FBXO22: variants seen among roughly 807,000 people sequenced by gnomAD.
FBXO22 encodes F-box only protein 22.
Under a neutral mutation model 37.2 loss-of-function variants are expected in FBXO22, and 13 were observed. That is an observed-to-expected ratio of 0.35 (90% CI 0.23 to 0.56). The LOEUF is 0.56. FBXO22 is among the 20% of genes least tolerant of loss of function. The probability of loss-of-function intolerance (pLI) is 0.87; values close to 1 mark genes in which losing one functional copy is unlikely to be tolerated. For synonymous variants in FBXO22, 189 were observed against 189.1 expected, an observed-to-expected ratio of 1.00 and a Z score of 0.00; for missense variants, 446 against 509.9, an observed-to-expected ratio of 0.87 and a Z score of 1.21.
At chr15:75,929,494 A>C (rs978755298) in intron 5 of FBXO22, among the ~76,000 whole-genome samples, 6 of 150,194 alleles carry the variant, frequency 4.0e-5, no homozygotes, top group African/African-American at 1.2e-4. Flanking sequence ...TGCTGCTAGC[A>C]CAGCTCTGTG....
chr15:75,915,347 G>A (rs558643582), intron 4 of FBXO22, among the ~76,000 whole-genome samples: 1 of 152,228 alleles, frequency 6.6e-6, no homozygotes, highest in Non-Finnish European at 1.5e-5. Context: ...AAAGATTTTT[G>A]ATCTGAATTT....
chr15:75,920,835 A>G (rs538639540), intron 5 of FBXO22, among the ~76,000 whole-genome samples: 3 of 152,288 alleles, frequency 2.0e-5, no homozygotes, highest in Non-Finnish European at 2.9e-5. Flanking sequence ...AAATAAATAA[A>G]TAAATAAAAA....
chr15:75,908,311 C>T (rs1440439240), intron 2 of FBXO22, among the ~76,000 whole-genome samples: 1 of 150,402 alleles, frequency 6.6e-6, no homozygotes, highest in Non-Finnish European at 1.5e-5. Context: ...TCTCGCCTGT[C>T]GCCCAGGCTG....
In FBXO22 at chr15:75,932,669, T is replaced by C. The variant is rs768972428; in HGVS notation, c.795-16T>C. On this transcript the variant is annotated splice_polypyrimidine_tract_variant and intron_variant, in intron 6 of 6. Transcript: ENST00000308275. ...TAATGTTTCATGAGATATTGCCACT[T>C]TTCTAAATTTTCCAGGAACCCTCTG... 6.4e-7 allele frequency: 1 copy of C among 1,556,520 alleles called. No individual in the cohort carries two copies. The highest frequency in any genetic ancestry group is 8.7e-7 in the Non-Finnish European group (1 of 1,155,862).
chr15:75,931,576 C>T (rs886436263), intron 6 of FBXO22, among the ~76,000 whole-genome samples: 5 of 152,220 alleles, frequency 3.3e-5, no homozygotes, highest in Non-Finnish European at 7.3e-5. Context: ...AGCCTTATTA[C>T]TTTAGTCACT....
At chr15:75,925,707 A>G (rs1236098432) in intron 5 of FBXO22, among the ~76,000 whole-genome samples, 6 of 149,288 alleles carry the variant, frequency 4.0e-5, no homozygotes, top group Non-Finnish European at 7.4e-5. Flanking sequence ...GCTGACATCT[A>G]TTCAAGACAA....
At chr15:75,925,270 G>A (rs1394122) in intron 5 of FBXO22, among the ~76,000 whole-genome samples, 137,327 of 152,214 alleles carry the variant, frequency 0.9, 63,062 homozygotes, top group East Asian at 1. Flanking sequence ...AAAACAATAC[G>A]TAACAGGTTG....
chr15:75,915,715 C>T (rs1016451596), intron 4 of FBXO22, among the ~76,000 whole-genome samples: 3 of 151,954 alleles, frequency 2.0e-5, no homozygotes, highest in South Asian at 2.1e-4. Flanking sequence ...GCCTGGCCGA[C>T]GTGGTGAAAC....
chr15:75,915,182 G>A (rs1302738841), intron 4 of FBXO22, among the ~76,000 whole-genome samples: 3 of 152,050 alleles, frequency 2.0e-5, no homozygotes, highest in African/African-American at 7.2e-5. Context: ...TGTTGGCCAG[G>A]CTGGTCTCAA....
Position 75,938,529 on chromosome 15 carries a change from GAATT to G in FBXO22, c.*5430_*5433del, listed in dbSNP as rs2030603243. 6.6e-6 allele frequency: 1 copy of G among 151,934 alleles called. No homozygotes were observed. Among genetic ancestry groups the G allele is most frequent in the African/African-American group, 2.4e-5 (1 of 41,382 alleles). The allele number at this position is 151,934 out of a possible 1,614,324, so 9.4% of individuals were successfully genotyped here. On this transcript the variant is annotated 3_prime_UTR_variant, in exon 7 of 7. Transcript: ENST00000308275. ...AGAACTAAAGGAAAACATGAACAAAGAATTAAAGAAATCAGGAAAATGATAAATG... is the reference window on the plus strand; with the variant it reads ...AGAACTAAAGGAAAACATGAACAAAGAAAGAAATCAGGAAAATGATAAATG...
chr15:75,912,088 A>G (rs1431305652), intron 2 of FBXO22, among the ~76,000 whole-genome samples: 1 of 151,760 alleles, frequency 6.6e-6, no homozygotes, highest in African/African-American at 2.4e-5. Context: ...TGATTTGCAT[A>G]TGTTGAACCA....
chr15:75,928,639 C>A (rs940597326), intron 5 of FBXO22, among the ~76,000 whole-genome samples: 3 of 152,054 alleles, frequency 2.0e-5, no homozygotes, highest in African/African-American at 7.3e-5. Context: ...GGAGAATGGG[C>A]TTATTACCTG....
chr15:75,928,677 C>A (rs904385323), intron 5 of FBXO22, among the ~76,000 whole-genome samples: 1 of 146,546 alleles, frequency 6.8e-6, no homozygotes, highest in African/African-American at 2.4e-5. Flanking sequence ...CACAACAAAC[C>A]CCCATGACAC....
intron 5 of FBXO22, among the ~76,000 whole-genome samples, chr15:75,918,190 T>C (rs1410628198): frequency 6.6e-6 from 1 of 152,156 alleles, no homozygotes; most frequent in Non-Finnish European, 1.5e-5. Context: ...ACCTCTGTTA[T>C]TTGAAATGGG....
chr15:75,908,162 T>C (rs997678052), intron 2 of FBXO22, among the ~76,000 whole-genome samples: 30 of 152,170 alleles, frequency 2.0e-4, no homozygotes, highest in African/African-American at 7.0e-4. Context: ...AGGACCAGAC[T>C]TTTAATACTT....
At chr15:75,923,591 A>G (rs1900376301) in intron 5 of FBXO22, among the ~76,000 whole-genome samples, 2 of 152,206 alleles carry the variant, frequency 1.3e-5, no homozygotes, top group Admixed American at 1.3e-4. Context: ...CAGGAGTGGC[A>G]TAATTTGATA....
At position 75,904,629 on chromosome 15, in the gene FBXO22, G is replaced by T; in HGVS notation, c.279G>T (p.Glu93Asp). The T allele has an allele frequency of 6.2e-7, 1 of 1,603,202 alleles. No homozygotes were observed. Among genetic ancestry groups the T allele is most frequent in the South Asian group, 1.1e-5 (1 of 90,484 alleles). Residue 93 changes from glutamate to aspartate, a missense_variant and splice_region_variant, in exon 2 of 7, where the codon GAG (glutamate) becomes GAT (aspartate). Physicochemically the swap from Glu to Asp is conservative, Grantham distance 45. Transcript: ENST00000308275. ...TTCGCGTGGTAGCAGAGGAGCTTGA[G>T]GCAAGTAGCAAGGGGTGTCATGCAC... The part of the protein sequence containing the change: ...CLVRVVAEEL[E>D]NVRILPHTVL...
At chr15:75,930,390 TG>T in intron 6 of FBXO22, 1 of 1,153,246 alleles carries the variant, frequency 8.7e-7, no homozygotes, top group African/African-American at 1.6e-5. Flanking sequence ...AGGAAACACA[TG>T]GTTAGAGTGT....
intron 5 of FBXO22, among the ~76,000 whole-genome samples, chr15:75,928,953 G>A (rs894533342): frequency 3.3e-5 from 5 of 152,170 alleles, no homozygotes; most frequent in Non-Finnish European, 4.4e-5. Context: ...TGGAGGAGGT[G>A]AATAAAGCCT....
Sources: allele counts gnomAD v4.1 joint callset (sites outside exome capture counted in the v4.1 genomes callset), GRCh38; gene constraint gnomAD v4.1.1; transcripts MANE v1.5; gene names NCBI Gene and HGNC (gene_info 2026-07-23, HGNC 2026-07-21).